The following SDK2 variants were observed in gnomAD, a reference collection of about 807,000 sequenced individuals.
SDK2 encodes sidekick cell adhesion molecule 2, also known as protein sidekick-2.
Under a neutral mutation model 253.9 loss-of-function variants are expected in SDK2, and 105 were observed. The ratio of observed to expected loss-of-function variants is 0.41; its 90% CI spans 0.35 to 0.49. The LOEUF is 0.49. Among genes scored for constraint, SDK2 ranks in the 20% least tolerant of loss-of-function variants. SDK2 has a pLI of 0.06. For missense variants in SDK2, 2,608 were observed against 3,003.0 expected (o/e 0.87, Z 3.07); for synonymous variants, 1,249 against 1,234.9 (o/e 1.01, Z -0.24).
intron 1 of SDK2, among the ~76,000 whole-genome samples, chr17:73,539,102 C>T (rs2044825028): frequency 1.3e-5 from 2 of 152,194 alleles, no homozygotes; most frequent in African/African-American, 4.8e-5. Flanking sequence ...TCATGCTGCC[C>T]TGCCTCAGTT....
intron 38 of SDK2, among the ~76,000 whole-genome samples, chr17:73,364,927 C>G (rs1229587035): frequency 1.3e-5 from 2 of 152,134 alleles, no homozygotes; most frequent in Admixed American, 1.3e-4. Context: ...TTGGCTGCCC[C>G]CCTTCTTTAT....
At chr17:73,450,766 G>C (rs370958645) in intron 4 of SDK2, among the ~76,000 whole-genome samples, 1 of 152,196 alleles carries the variant, frequency 6.6e-6, no homozygotes, top group Non-Finnish European at 1.5e-5. Context: ...TTGGTTGCCA[G>C]CTCGGGGAGC....
At position 73,534,890 on chromosome 17, in the gene SDK2, T is replaced by C. The variant is rs1409667208; in HGVS notation, c.65-27293A>G. On this transcript the variant is annotated intron_variant, in intron 1 of 44. Transcript: ENST00000392650. The surrounding 1 kb of genome is among the most constrained non-coding windows in gnomAD (Gnocchi z 4.9). ...CTCCTTGTGGGGATACTGGATACTC[T>C]GCGATCGGCCGATCAGCCCGCTACT... is the stretch of plus-strand genomic sequence containing the variant. 6.6e-6 allele frequency among the ~76,000 whole-genome samples: 1 copy of C among 152,094 alleles called. No individual in the cohort carries two copies. The highest frequency in any genetic ancestry group is 1.5e-5 in the Non-Finnish European group (1 of 67,996).
intron 1 of SDK2, among the ~76,000 whole-genome samples, chr17:73,600,876 C>T (rs943813881): frequency 1.3e-5 from 2 of 152,244 alleles, no homozygotes; most frequent in East Asian, 1.9e-4. Flanking sequence ...ATCTCTGCTC[C>T]GGCTGGTCTG....
At chr17:73,466,610 A>G (rs2063598929) in intron 3 of SDK2, among the ~76,000 whole-genome samples, 1 of 151,812 alleles carries the variant, frequency 6.6e-6, no homozygotes, top group Non-Finnish European at 1.5e-5. Flanking sequence ...ATGTTCCTCA[A>G]ACGATTTGCC....
chr17:73,529,861 A>G (rs2064155818), intron 1 of SDK2, among the ~76,000 whole-genome samples: 1 of 152,194 alleles, frequency 6.6e-6, no homozygotes, highest in South Asian at 2.1e-4. Context: ...CTGAGATGAT[A>G]TATTTTTGTT....
At chr17:73,423,864 A>T in intron 13 of SDK2, 52 bp downstream of exon 13, 1 of 1,430,068 alleles carries the variant, frequency 7.0e-7, no homozygotes, top group Non-Finnish European at 9.4e-7. Context: ...TGAGCATGCC[A>T]GTTGCTATTG....
chr17:73,530,874 G>A (rs766791619), intron 1 of SDK2, among the ~76,000 whole-genome samples: 2 of 152,140 alleles, frequency 1.3e-5, no homozygotes, highest in Non-Finnish European at 1.5e-5. Context: ...AGGGGACCCC[G>A]TCTGTGTTCT....
intron 19 of SDK2, 21 bp from the exon 20 acceptor site, chr17:73,401,773 C>T (rs770144139): frequency 6.4e-7 from 1 of 1,556,138 alleles, no homozygotes; most frequent in Admixed American, 1.9e-5. Context: ...AAAGGAACCC[C>T]CACCCCCCAA....
rs180837891 is a variant in SDK2, at chr17:73,503,573, A to C, written c.224+3865T>G. On this transcript the variant is annotated intron_variant, in intron 2 of 44. Coordinates refer to ENST00000392650, the MANE Select transcript of SDK2 (RefSeq NM_001144952.2). ...AACGATTTTACTAAGATTTGAAAAA[A>C]ATCAAAATTAAAAGAGAGAAGAAAG... Among the ~76,000 whole-genome samples the C allele has an allele frequency of 1.8e-3, 274 of 152,346 alleles. 1 individual carries two copies. The highest frequency in any genetic ancestry group is 0.01 in the Middle Eastern group (3 of 294).
chr17:73,357,794 G>A (rs569065312), intron 40 of SDK2: 24 of 528,462 alleles, frequency 4.5e-5, no homozygotes, highest in African/African-American at 3.3e-4. Flanking sequence ...CGTGAGCCAC[G>A]TGCTCAGGCT....
chr17:73,418,020 T>TTTG (rs1568393515), intron 16 of SDK2, among the ~76,000 whole-genome samples: 3 of 148,500 alleles, frequency 2.0e-5, no homozygotes, highest in African/African-American at 7.5e-5. Context: ...GTTTTTTTTT[T>TTTG]TTTTTTTTGT....
At chr17:73,339,268 C>T (rs2062412742) in intron 44 of SDK2, among the ~76,000 whole-genome samples, 1 of 146,278 alleles carries the variant, frequency 6.8e-6, no homozygotes, top group African/African-American at 2.5e-5. Context: ...CTCGCTGTTG[C>T]CAGGCTGGAG....
At chr17:73,507,371 C>A (rs2063944199) in intron 2 of SDK2, 67 bp downstream of exon 2, 1 of 1,470,178 alleles carries the variant, frequency 6.8e-7, no homozygotes, top group African/African-American at 1.4e-5. Context: ...CCCTCCTCAC[C>A]ATGCCCTCTT....
In SDK2 at chr17:73,496,789, T is replaced by A. The variant is rs2063844949; in HGVS notation, c.224+10649A>T. On this transcript the variant is annotated intron_variant, in intron 2 of 44. Transcript: ENST00000392650. The surrounding 1 kb of genome is among the most constrained non-coding windows in gnomAD (Gnocchi z 4.7). ...CTGTGAGGATTCCCCCTCCACTCCC[T>A]GCCCCGACTTGCTCATCCCTCTCTA... 6.6e-6 allele frequency among the ~76,000 whole-genome samples: 1 copy of A among 152,182 alleles called. No homozygotes were observed. Among genetic ancestry groups the A allele is most frequent in the Admixed American group, 6.5e-5 (1 of 15,276 alleles).
intron 1 of SDK2, among the ~76,000 whole-genome samples, chr17:73,607,293 G>A (rs964759693): frequency 6.6e-6 from 1 of 152,180 alleles, no homozygotes; most frequent in African/African-American, 2.4e-5. Flanking sequence ...CAGCTGAGAC[G>A]TCCACTCTGA....
intron 33 of SDK2, among the ~76,000 whole-genome samples, chr17:73,382,656 G>A (rs1220916964): frequency 6.6e-5 from 10 of 152,236 alleles, no homozygotes; most frequent in African/African-American, 2.4e-4. Flanking sequence ...CTAACTGTCC[G>A]CCAATGCGGA....
chr17:73,414,716 A>G lies in SDK2; in HGVS notation c.2412T>C (p.Asn804=), dbSNP rs1409749734. The change falls in exon 18 of 45, where the codon AAT becomes AAC. Residue 804 remains asparagine, a synonymous_variant. Coordinates refer to ENST00000392650, the MANE Select transcript of SDK2 (RefSeq NM_001144952.2). Reference sequence around the variant, plus strand: ...TCCAGGTGAAGCGGATGGTCGTGGAATTGGTGGCTTCCGCGTGCACATTGC... The same window carrying G: ...TCCAGGTGAAGCGGATGGTCGTGGAGTTGGTGGCTTCCGCGTGCACATTGC... ...PPGNVHAEAT[N]STTIRFTWNA... is the part of the protein sequence containing the mutation. 1.2e-6 allele frequency: 2 copies of G among 1,613,654 alleles called. No individual in the cohort carries two copies. The highest frequency in any genetic ancestry group is 2.2e-5 in the East Asian group (1 of 44,846).
In SDK2 at chr17:73,435,863, C is replaced by T. The variant is rs951259441; in HGVS notation, c.1001-219G>A. Among the ~76,000 whole-genome samples the T allele has an allele frequency of 2.6e-5, 4 of 152,082 alleles. No homozygotes were observed. Among genetic ancestry groups the T allele is most frequent in the Non-Finnish European group, 5.9e-5 (4 of 68,002 alleles). ...AAGTCTTTGGGACAGAGTAAAGATC[C>T]GGGAATCAGTTTAGCATGGAAACTG... On this transcript the variant is annotated intron_variant, in intron 8 of 44. Coordinates refer to ENST00000392650, the MANE Select transcript of SDK2 (RefSeq NM_001144952.2). The surrounding 1 kb of genome is among the most constrained non-coding windows in gnomAD (Gnocchi z 5.7).
Sources: gnomAD v4.1 joint callset for allele counts (sites outside exome capture counted in the v4.1 genomes callset) on GRCh38, gnomAD v4.1.1 for gene constraint, Gnocchi (gnomAD v3.1) non-coding constraint, MANE v1.5 for transcripts, NCBI Gene and HGNC (gene_info 2026-07-23, HGNC 2026-07-21) for gene names.